Variants in TRAPPC9 observed in about 807,000 individuals in gnomAD.
TRAPPC9 encodes the protein trafficking protein particle complex subunit 9, also known as IKK2 binding protein.
A neutral mutation model predicts 124.0 loss-of-function variants in TRAPPC9; 83 were observed. The observed-to-expected ratio is 0.67, with a 90% CI of 0.56 to 0.80. The LOEUF (loss-of-function observed/expected upper bound fraction) is 0.80, where lower values mean the gene tolerates loss of function less well. Among genes scored for constraint, TRAPPC9 ranks in the 30% least tolerant of loss-of-function variants. The probability of loss-of-function intolerance (pLI) is 0.00; values close to 1 mark genes in which losing one functional copy is unlikely to be tolerated. For missense variants in TRAPPC9, 1,302 were observed against 1,508.3 expected (o/e 0.86, Z 2.27); for synonymous variants, 638 against 617.5 (o/e 1.03, Z -0.49).
intron 21 of TRAPPC9, among the ~76,000 whole-genome samples, chr8:139,830,236 GCA>G (rs747656627): frequency 1.4e-4 from 21 of 150,946 alleles, no homozygotes; most frequent in Admixed American, 2.0e-4. Context: ...GCATACACAT[GCA>G]CACACACACT....
At chr8:140,245,082 G>T (rs1430570034) in intron 16 of TRAPPC9, among the ~76,000 whole-genome samples, 1 of 151,986 alleles carries the variant, frequency 6.6e-6, no homozygotes, top group South Asian at 2.1e-4. Flanking sequence ...GGGATTACAG[G>T]CACGAGCCAC....
At chr8:140,215,357 C>T (rs1441639705) in intron 17 of TRAPPC9, among the ~76,000 whole-genome samples, 4 of 152,086 alleles carry the variant, frequency 2.6e-5, no homozygotes, top group African/African-American at 9.7e-5. Context: ...ACACAGAGGG[C>T]AGGCGCCGGG....
At chr8:139,955,540 G>T (rs1834914794) in intron 19 of TRAPPC9, among the ~76,000 whole-genome samples, 1 of 152,132 alleles carries the variant, frequency 6.6e-6, no homozygotes, top group African/African-American at 2.4e-5. Flanking sequence ...TGATGCAAAT[G>T]CTCTAAGACA....
intron 19 of TRAPPC9, among the ~76,000 whole-genome samples, chr8:139,950,196 T>A (rs1429184505): frequency 6.6e-6 from 1 of 152,266 alleles, no homozygotes; most frequent in African/African-American, 2.4e-5. Context: ...GTCCAGGTTC[T>A]GCTTAGTCCT....
At chr8:139,808,589 A>C (rs866036171) in intron 21 of TRAPPC9, among the ~76,000 whole-genome samples, 3 of 152,202 alleles carry the variant, frequency 2.0e-5, no homozygotes, top group African/African-American at 7.2e-5. Context: ...ACCCCTAAAA[A>C]GCAACTCCAT....
chr8:139,939,062 TG>T (rs1160318591), intron 19 of TRAPPC9, among the ~76,000 whole-genome samples: 2 of 152,174 alleles, frequency 1.3e-5, no homozygotes, highest in African/African-American at 4.8e-5. Context: ...GAATGCCCAC[TG>T]TTCTCCAGGC....
chr8:139,855,543 G>A (rs942715720), intron 21 of TRAPPC9, among the ~76,000 whole-genome samples: 2 of 152,226 alleles, frequency 1.3e-5, no homozygotes, highest in South Asian at 2.1e-4. Context: ...TACACGACGC[G>A]TCATCTCGGC....
At chr8:139,820,400 C>T (rs747550878) in intron 21 of TRAPPC9, among the ~76,000 whole-genome samples, 1 of 152,074 alleles carries the variant, frequency 6.6e-6, no homozygotes, top group African/African-American at 2.4e-5. Flanking sequence ...AGGCTGGACT[C>T]GAACTCCTGA....
At chr8:140,158,370 C>G (rs117493776) in intron 17 of TRAPPC9, among the ~76,000 whole-genome samples, 1 of 152,138 alleles carries the variant, frequency 6.6e-6, no homozygotes, top group Non-Finnish European at 1.5e-5. Flanking sequence ...TCAGAGGAAA[C>G]TGAATGTGCA....
At chr8:140,337,235 G>T (rs1407659910) in intron 9 of TRAPPC9, among the ~76,000 whole-genome samples, 1 of 152,136 alleles carries the variant, frequency 6.6e-6, no homozygotes, top group Admixed American at 6.5e-5. Flanking sequence ...TAACCATGAT[G>T]ATCAGAGGAG....
chr8:140,197,814 G>A (rs1288573423), intron 17 of TRAPPC9, among the ~76,000 whole-genome samples: 1 of 152,194 alleles, frequency 6.6e-6, no homozygotes, highest in Non-Finnish European at 1.5e-5. Flanking sequence ...TAAAGACAAG[G>A]GCAGGGAAGG....
chr8:139,995,060 C>T (rs562941326), intron 18 of TRAPPC9, among the ~76,000 whole-genome samples: 216 of 151,922 alleles, frequency 1.4e-3, no homozygotes, highest in Non-Finnish European at 1.7e-3. Context: ...CCACTGAATG[C>T]AACTATAAAT....
chr8:140,278,777 A>C (rs2065208249), intron 14 of TRAPPC9, among the ~76,000 whole-genome samples: 2 of 150,914 alleles, frequency 1.3e-5, no homozygotes, highest in Admixed American at 6.6e-5. Flanking sequence ...GGCACCCGCG[A>C]CTCCCATCCT....
At chr8:140,426,713 C>A in intron 4 of TRAPPC9, 72 bp from the exon 5 acceptor site, 1 of 1,446,840 alleles carries the variant, frequency 6.9e-7, no homozygotes, top group Middle Eastern at 1.8e-4. Context: ...TACTAAAACA[C>A]ATTTCATAAT....
intron 17 of TRAPPC9, among the ~76,000 whole-genome samples, chr8:140,167,835 A>G (rs1317283848): frequency 6.6e-6 from 1 of 152,136 alleles, no homozygotes; most frequent in Admixed American, 6.5e-5. Flanking sequence ...GAACATCTCC[A>G]TTTTCTCGAT....
chr8:140,072,086 A>AG (rs1281683252), intron 17 of TRAPPC9, among the ~76,000 whole-genome samples: 1 of 152,226 alleles, frequency 6.6e-6, no homozygotes, highest in African/African-American at 2.4e-5. Flanking sequence ...AGGCAGTATG[A>AG]GGGGACATTT....
chr8:140,397,561 T>G (rs534361151), intron 7 of TRAPPC9, 59 bp downstream of exon 7: 2 of 1,602,022 alleles, frequency 1.2e-6, no homozygotes, highest in Non-Finnish European at 1.7e-6. Context: ...GAATTCATAG[T>G]GAATCAATTC....
At chr8:140,187,281 C>T (rs971783120) in intron 17 of TRAPPC9, among the ~76,000 whole-genome samples, 9 of 152,126 alleles carry the variant, frequency 5.9e-5, no homozygotes, top group African/African-American at 1.2e-4. Flanking sequence ...TGAGTATACG[C>T]GGGGGCCTTG....
intron 17 of TRAPPC9, among the ~76,000 whole-genome samples, chr8:140,213,926 T>A (rs1416719276): frequency 6.6e-6 from 1 of 152,264 alleles, no homozygotes; most frequent in Non-Finnish European, 1.5e-5. Context: ...GCTGCAGCCG[T>A]GCATGCTGGT....
Sources: allele counts gnomAD v4.1 joint callset (sites outside exome capture counted in the v4.1 genomes callset), GRCh38; gene constraint gnomAD v4.1.1; transcripts MANE v1.5; gene names NCBI Gene and HGNC (gene_info 2026-07-23, HGNC 2026-07-21).